Variants in AGBL4 observed in about 807,000 individuals in gnomAD.
AGBL4 encodes AGBL carboxypeptidase 4.
Under a neutral mutation model 66.4 loss-of-function variants are expected in AGBL4, and 58 were observed. The ratio of observed to expected loss-of-function variants is 0.87; its 90% CI spans 0.71 to 1.09. The LOEUF (loss-of-function observed/expected upper bound fraction) is 1.09. Among genes scored for constraint, AGBL4 ranks in the 50% least tolerant of loss-of-function variants. The probability of loss-of-function intolerance (pLI) is 0.00; values close to 1 mark genes in which losing one functional copy is unlikely to be tolerated. For synonymous variants in AGBL4, 234 were observed against 222.9 expected (o/e 1.05, Z -0.44); for missense variants, 579 against 631.0 (o/e 0.92, Z 0.88).
chr1:48,900,586 T>G (rs545455514), intron 5 of AGBL4, among the ~76,000 whole-genome samples: 8 of 152,098 alleles, frequency 5.3e-5, no homozygotes, highest in Non-Finnish European at 8.8e-5. Context: ...CACACATATA[T>G]AGACAACCAG....
At position 49,321,723 on chromosome 1, in the gene AGBL4, C is replaced by A. The variant is rs149076904; in HGVS notation, c.283-75859G>T. 5.9e-5 allele frequency among the ~76,000 whole-genome samples: 9 copies of A among 152,296 alleles called. No homozygotes were observed. In the South Asian group the frequency reaches 1.0e-3, roughly 18 times the overall value. The stretch of plus-strand genomic sequence containing the variant: ...GGGTTTATAATGTGTTATGTTCATA[C>A]GATGGAATAATAGCTAAGTGCTTGA... On this transcript the variant is annotated intron_variant, in intron 3 of 13. Transcript: ENST00000371839.
intron 3 of AGBL4, among the ~76,000 whole-genome samples, chr1:49,343,191 T>C (rs561595386): frequency 6.6e-6 from 1 of 152,144 alleles, no homozygotes; most frequent in Non-Finnish European, 1.5e-5. Context: ...GGACCTAAGG[T>C]GAATTCTGAC....
rs1023169645 is a variant in AGBL4 at position 49,418,549 on chromosome 1, C to T, written c.283-172685G>A. On this transcript the variant is annotated intron_variant, in intron 3 of 13. Coordinates refer to ENST00000371839, the MANE Select transcript of AGBL4 (RefSeq NM_032785.4). ...AACATGTAACAACAACAACAAAAAACCAAGACTCAGTGGAGTCAGGGACAA... is the reference window on the plus strand; with the variant it reads ...AACATGTAACAACAACAACAAAAAATCAAGACTCAGTGGAGTCAGGGACAA... 2.6e-5 allele frequency among the ~76,000 whole-genome samples: 4 copies of T among 152,112 alleles called. 1 individual carries two copies. The highest frequency in any genetic ancestry group is 2.6e-4 in the Admixed American group (4 of 15,272).
At position 49,972,046 on chromosome 1, in the gene AGBL4, T is replaced by G. The variant is rs988074273; in HGVS notation, c.34+51717A>C. On this transcript the variant is annotated intron_variant, in intron 1 of 13. Coordinates refer to ENST00000371839, the MANE Select transcript of AGBL4 (RefSeq NM_032785.4). ...CATTCTCCTGCCTCAGCCTCCCGAG[T>G]AGCTGGGACTACAGGTGCCTGCCAC... Among the ~76,000 whole-genome samples, 11 of 150,328 alleles carry G rather than the reference T, an allele frequency of 7.3e-5. No homozygotes were observed. In the East Asian group the frequency reaches 2.2e-3, roughly 30 times the overall value.
chr1:49,963,741 G>T (rs1255576630), intron 1 of AGBL4, among the ~76,000 whole-genome samples: 1 of 152,084 alleles, frequency 6.6e-6, no homozygotes, highest in African/African-American at 2.4e-5. Context: ...AACTGCCCAT[G>T]AATATGTGGT....
intron 2 of AGBL4, among the ~76,000 whole-genome samples, chr1:49,712,184 G>C (rs1453029337): frequency 6.6e-6 from 1 of 151,878 alleles, no homozygotes; most frequent in Non-Finnish European, 1.5e-5. Context: ...AATATGATAA[G>C]GATGGTTAGG....
chr1:49,610,793 GTC>G (rs1377231183), intron 3 of AGBL4, among the ~76,000 whole-genome samples: 2 of 152,144 alleles, frequency 1.3e-5, no homozygotes, highest in Non-Finnish European at 2.9e-5. Flanking sequence ...AAATGACCCA[GTC>G]TAAGATATTT....
intron 3 of AGBL4, among the ~76,000 whole-genome samples, chr1:49,450,789 T>C (rs1271954638): frequency 6.6e-6 from 1 of 152,074 alleles, no homozygotes; most frequent in East Asian, 1.9e-4. Flanking sequence ...TAAATCTGCC[T>C]GATTCCAAGT....
chr1:49,735,377 TGAAGA>T (rs1357502702), intron 2 of AGBL4, among the ~76,000 whole-genome samples: 4 of 150,102 alleles, frequency 2.7e-5, no homozygotes, highest in Non-Finnish European at 4.4e-5. Flanking sequence ...CTTGTGCCTT[TGAAGA>T]GAAAAGACCC....
chr1:49,034,476 T>A (rs1442945114), intron 5 of AGBL4, among the ~76,000 whole-genome samples: 1 of 152,120 alleles, frequency 6.6e-6, no homozygotes, highest in Non-Finnish European at 1.5e-5. Flanking sequence ...TCAGGTCTTG[T>A]CCTGTTAAAC....
chr1:49,937,343 G>T (rs1197153353), intron 1 of AGBL4, among the ~76,000 whole-genome samples: 1 of 150,726 alleles, frequency 6.6e-6, no homozygotes, highest in Admixed American at 6.6e-5. Flanking sequence ...CATAAAGCAA[G>T]TCCTTAGAGA....
chr1:48,813,533 G>C (rs143477195), intron 6 of AGBL4, among the ~76,000 whole-genome samples: 1 of 152,288 alleles, frequency 6.6e-6, no homozygotes, highest in Non-Finnish European at 1.5e-5. Flanking sequence ...CTCATCTAAA[G>C]GGAGCCTAGG....
chr1:49,701,348 G>A (rs983470848), intron 2 of AGBL4, among the ~76,000 whole-genome samples: 5 of 151,986 alleles, frequency 3.3e-5, no homozygotes, highest in South Asian at 2.1e-4. Context: ...TAGATCTTAT[G>A]TTAAGTATTT....
At chr1:49,840,009 A>C (rs969962090) in intron 2 of AGBL4, among the ~76,000 whole-genome samples, 2 of 152,114 alleles carry the variant, frequency 1.3e-5, no homozygotes, top group African/African-American at 2.4e-5. Context: ...ATAGAGAGGA[A>C]CCCAACAAAC....
chr1:49,448,037 C>A (rs1371429804), intron 3 of AGBL4, among the ~76,000 whole-genome samples: 1 of 152,028 alleles, frequency 6.6e-6, no homozygotes, highest in Non-Finnish European at 1.5e-5. Context: ...GTGCAAGAGT[C>A]AATGGTATTT....
At chr1:49,423,363 A>G (rs946128754) in intron 3 of AGBL4, among the ~76,000 whole-genome samples, 4 of 152,234 alleles carry the variant, frequency 2.6e-5, no homozygotes, top group African/African-American at 9.6e-5. Flanking sequence ...AAAATAAAAA[A>G]TAAACATCCT....
intron 1 of AGBL4, among the ~76,000 whole-genome samples, chr1:49,907,295 T>C (rs1400653735): frequency 1.3e-5 from 2 of 152,148 alleles, no homozygotes; most frequent in Non-Finnish European, 2.9e-5. Context: ...GGGTTCCTCC[T>C]ATCCAAGAAT....
chr1:49,476,029 G>A (rs898610628), intron 3 of AGBL4, among the ~76,000 whole-genome samples: 3 of 151,856 alleles, frequency 2.0e-5, no homozygotes, highest in African/African-American at 7.3e-5. Context: ...TTGTTAATTT[G>A]AGATCTTTAT....
At chr1:48,894,898 C>T (rs557815162) in intron 5 of AGBL4, among the ~76,000 whole-genome samples, 1 of 152,324 alleles carries the variant, frequency 6.6e-6, no homozygotes, top group East Asian at 1.9e-4. Context: ...ATTTCTAAGA[C>T]AGCATCTTTA....
Sources: allele counts gnomAD v4.1 joint callset (sites outside exome capture counted in the v4.1 genomes callset), GRCh38; gene constraint gnomAD v4.1.1; transcripts MANE v1.5; gene names NCBI Gene and HGNC (gene_info 2026-07-23, HGNC 2026-07-21).